Variants in ARHGEF3 observed in about 807,000 individuals in gnomAD.
The protein encoded by ARHGEF3 is Rho guanine nucleotide exchange factor 3, also known as 59.8 kDA protein.
A neutral mutation model predicts 63.2 loss-of-function variants in ARHGEF3; 28 were observed. The observed-to-expected ratio is 0.44, with a 90% confidence interval of 0.33 to 0.61. The LOEUF (loss-of-function observed/expected upper bound fraction) is 0.61, where lower values mean the gene tolerates loss of function less well. Among genes scored for constraint, ARHGEF3 ranks in the 20% least tolerant of loss-of-function variants. The pLI, the probability that ARHGEF3 is intolerant of heterozygous loss-of-function variation, is 0.03. For synonymous variants in ARHGEF3, 266 were observed against 254.2 expected (o/e 1.05, Z -0.44); for missense variants, 533 against 659.3 (o/e 0.81, Z 2.10).
At chr3:57,067,228 G>A (rs1379419112) in intron 1 of ARHGEF3, among the ~76,000 whole-genome samples, 5 of 151,854 alleles carry the variant, frequency 3.3e-5, no homozygotes, top group Non-Finnish European at 7.4e-5. Flanking sequence ...AAGGCGGGTG[G>A]ATCACAAGGT....
chr3:57,003,597 G>A (rs187099843), intron 2 of ARHGEF3, among the ~76,000 whole-genome samples: 4 of 151,964 alleles, frequency 2.6e-5, no homozygotes, highest in Admixed American at 2.6e-4. Flanking sequence ...CAAAACCTAA[G>A]ACTTTTTTAC....
intron 4 of ARHGEF3, among the ~76,000 whole-genome samples, chr3:56,809,777 G>A (rs1016242546): frequency 1.5e-4 from 22 of 151,518 alleles, no homozygotes; most frequent in Admixed American, 1.2e-3. Context: ...TTGTCACCCA[G>A]GCTGGAGTGC....
chr3:56,734,749 C>T (rs2033481260), intron 8 of ARHGEF3, among the ~76,000 whole-genome samples: 1 of 152,018 alleles, frequency 6.6e-6, no homozygotes, highest in Non-Finnish European at 1.5e-5. Flanking sequence ...AAACAAAACC[C>T]AACCAAATCT....
chr3:57,070,290 G>C (rs1251634106), intron 1 of ARHGEF3, among the ~76,000 whole-genome samples: 1 of 150,370 alleles, frequency 6.7e-6, no homozygotes, highest in Non-Finnish European at 1.5e-5. Flanking sequence ...CCAGGTGCCA[G>C]ATGCACTCCC....
chr3:56,949,718 T>C (rs1258832818), intron 3 of ARHGEF3, among the ~76,000 whole-genome samples: 3 of 152,014 alleles, frequency 2.0e-5, no homozygotes, highest in Non-Finnish European at 4.4e-5. Context: ...AGGTAATTTA[T>C]AGATTCAATG....
At chr3:56,864,454 A>G (rs2040177921) in intron 4 of ARHGEF3, among the ~76,000 whole-genome samples, 1 of 152,182 alleles carries the variant, frequency 6.6e-6, no homozygotes, top group African/African-American at 2.4e-5. Flanking sequence ...TTTCATGACT[A>G]GGTCAAGCTC....
chr3:56,968,041 A>G (rs1700673042), intron 2 of ARHGEF3, among the ~76,000 whole-genome samples: 1 of 10,836 alleles, frequency 9.2e-5, no homozygotes, highest in Non-Finnish European at 1.7e-4. Context: ...TAATATATAT[A>G]AAATATATAT....
At chr3:56,826,922 G>C (rs2038733796) in intron 4 of ARHGEF3, among the ~76,000 whole-genome samples, 1 of 152,102 alleles carries the variant, frequency 6.6e-6, no homozygotes, top group Admixed American at 6.6e-5. Context: ...GCTTTAAAAA[G>C]TGTTTTTTTA....
At chr3:56,981,112 G>A (rs1701311881) in intron 2 of ARHGEF3, among the ~76,000 whole-genome samples, 1 of 152,190 alleles carries the variant, frequency 6.6e-6, no homozygotes, top group South Asian at 2.1e-4. Context: ...CCATCTTCCT[G>A]GGGAAATACA....
At chr3:56,782,283 T>C (rs1333377377) in intron 1 of ARHGEF3, among the ~76,000 whole-genome samples, 1 of 152,204 alleles carries the variant, frequency 6.6e-6, no homozygotes, top group Non-Finnish European at 1.5e-5. Flanking sequence ...CTTCATTGAT[T>C]AGGCCAAATG....
At chr3:56,895,578 C>T (rs1382908995) in intron 3 of ARHGEF3, among the ~76,000 whole-genome samples, 1 of 152,056 alleles carries the variant, frequency 6.6e-6, no homozygotes, top group African/African-American at 2.4e-5. Flanking sequence ...ATTCTCCTGG[C>T]TCAGCCTCCC....
chr3:57,002,479 T>TATATATA (rs1285310560), intron 2 of ARHGEF3, among the ~76,000 whole-genome samples: 26 of 39,412 alleles, frequency 6.6e-4, no homozygotes, highest in South Asian at 1.6e-3. Context: ...TATATATATG[T>TATATATA]TATATATATA....
intron 4 of ARHGEF3, among the ~76,000 whole-genome samples, chr3:56,808,522 C>T (rs1023435312): frequency 2.0e-5 from 3 of 151,020 alleles, no homozygotes; most frequent in Admixed American, 6.6e-5. Flanking sequence ...CTCAGGAGGT[C>T]GAGGTTGCAG....
intron 2 of ARHGEF3, among the ~76,000 whole-genome samples, chr3:56,966,194 G>T (rs146349154): frequency 6.6e-6 from 1 of 152,306 alleles, no homozygotes; most frequent in African/African-American, 2.4e-5. Flanking sequence ...AGAGAGGGAA[G>T]GTATAGGGCC....
chr3:56,811,626 GAC>G (rs2038067334), intron 4 of ARHGEF3, among the ~76,000 whole-genome samples: 1 of 152,188 alleles, frequency 6.6e-6, no homozygotes. Context: ...GCTGAATTAA[GAC>G]AGTTTCTGCT....
chr3:56,996,652 C>A (rs1454207982), intron 2 of ARHGEF3, among the ~76,000 whole-genome samples: 1 of 152,152 alleles, frequency 6.6e-6, no homozygotes, highest in Non-Finnish European at 1.5e-5. Context: ...CAATAAATTT[C>A]TGTTGTTTAT....
chr3:56,738,295 C>T (rs1395654593), intron 7 of ARHGEF3, among the ~76,000 whole-genome samples: 1 of 152,086 alleles, frequency 6.6e-6, no homozygotes, highest in Non-Finnish European at 1.5e-5. Flanking sequence ...GCCTCAGCCT[C>T]CCAAAGTGCT....
At chr3:56,843,552 C>A (rs1434843765) in intron 4 of ARHGEF3, among the ~76,000 whole-genome samples, 1 of 152,124 alleles carries the variant, frequency 6.6e-6, no homozygotes, top group Non-Finnish European at 1.5e-5. Context: ...CAGGTGTGAG[C>A]CACCATGCCC....
Position 56,971,971 on chromosome 3 carries a change from C to T in ARHGEF3, c.63-13082G>A, listed in dbSNP as rs146201937. Among the ~76,000 whole-genome samples the T allele has an allele frequency of 1.0e-3, 157 of 152,112 alleles. 2 individuals carry two copies. The highest frequency in any genetic ancestry group is 6.8e-3 in the Middle Eastern group (2 of 294). On this transcript the variant is annotated intron_variant, in intron 2 of 12. Coordinates refer to the ARHGEF3 transcript ENST00000338458. ...CCAGGAGAGAGTATCTGCCCCACAG[C>T]ACATTCATATCCCAGACACTCCTGA...
Sources: gnomAD v4.1 joint callset for allele counts (sites outside exome capture counted in the v4.1 genomes callset) on GRCh38, gnomAD v4.1.1 for gene constraint, MANE v1.5 for transcripts, NCBI Gene and HGNC (gene_info 2026-07-23, HGNC 2026-07-21) for gene names.